Variants in GSN observed in about 807,000 individuals in gnomAD.
GSN encodes the protein actin-depolymerizing factor.
Under a neutral mutation model 85.7 loss-of-function variants are expected in GSN, and 56 were observed. The observed-to-expected ratio is 0.65, with a 90% CI of 0.53 to 0.82. The LOEUF (loss-of-function observed/expected upper bound fraction) is 0.82. Ranked by LOEUF, GSN falls within the 40% of genes least tolerant of loss-of-function variation. The pLI, the probability that GSN is intolerant of heterozygous loss-of-function variation, is 0.00. For synonymous variants in GSN, 373 were observed against 399.1 expected (o/e 0.93, Z 0.78); for missense variants, 857 against 979.8 (o/e 0.87, Z 1.67).
chr9:121,281,922 GT>G (rs773974948), intron 2 of GSN: 1 of 471,478 alleles, frequency 2.1e-6, no homozygotes, highest in Non-Finnish European at 4.4e-6. Flanking sequence ...TAAAGAGGAG[GT>G]GCAGGAATTC....
intron 2 of GSN, chr9:121,300,055 G>A: frequency 1.2e-6 from 2 of 1,606,156 alleles, no homozygotes; most frequent in Non-Finnish European, 1.7e-6. Flanking sequence ...TCTATTGTAA[G>A]TTCTTGCAGA....
chr9:121,208,589 G>A (rs2053920743), intron 1 of GSN, among the ~76,000 whole-genome samples: 2 of 152,156 alleles, frequency 1.3e-5, no homozygotes, highest in Non-Finnish European at 2.9e-5. Context: ...ACTTACTCCA[G>A]CTAACACCAG....
At chr9:121,321,229 G>A (rs927891806) in intron 10 of GSN, 39 bp from the exon 11 acceptor site, 36 of 1,611,206 alleles carry the variant, frequency 2.2e-5, no homozygotes, top group Non-Finnish European at 3.1e-5. Flanking sequence ...GGGGGGTGGG[G>A]GTGCTGCACA....
At chr9:121,211,332 A>G (rs1025920277) in intron 4 of GSN, among the ~76,000 whole-genome samples, 2 of 152,232 alleles carry the variant, frequency 1.3e-5, no homozygotes, top group Non-Finnish European at 2.9e-5. Context: ...TATATTATCT[A>G]TATTTTACCA....
chr9:121,216,985 C>CT (rs1386389551), intron 4 of GSN, among the ~76,000 whole-genome samples: 1 of 152,162 alleles, frequency 6.6e-6, no homozygotes, highest in Admixed American at 6.5e-5. Flanking sequence ...ATTTCCTCTT[C>CT]TTTTTTTAGT....
intron 6 of GSN, among the ~76,000 whole-genome samples, chr9:121,262,196 AG>A (rs996593364): frequency 2.0e-5 from 3 of 152,204 alleles, no homozygotes; most frequent in African/African-American, 7.2e-5. Flanking sequence ...GATCCTGAGA[AG>A]GGAGCATGGA....
chr9:121,302,127 G>A lies in GSN; in HGVS notation c.156G>A (p.Leu52=), dbSNP rs201102347. ...DAYVILKTVQ[L]RNGNLQYDLH... ...ACGTCATCCTGAAGACAGTGCAGCT[G>A]AGGAACGGAAATCTGCAGTATGACC... Residue 52 remains leucine (L), a synonymous_variant, in exon 3 of 18, where the codon CTG becomes CTA. Transcript: ENST00000432226. 48 of 1,614,104 alleles carry A rather than the reference G, an allele frequency of 3.0e-5. No individual in the cohort carries two copies. The highest frequency in any genetic ancestry group is 1.3e-4 in the Admixed American group (8 of 60,014).
In GSN at chr9:121,332,557, G is replaced by T. The variant is rs938702801; in HGVS notation, c.2150G>T (p.Trp717Leu). Residue 717 changes from tryptophan to leucine, a missense_variant, in exon 18 of 18, where the codon TGG (tryptophan) becomes TTG (leucine). Coordinates refer to ENST00000432226, the MANE Select transcript of GSN (RefSeq NM_198252.3). This position sits in a 1 kb window ranked among gnomAD's most constrained non-coding sequence, Gnocchi z 4.8. ...GWFLGWDDDY[W>L]SVDPLDRAMA... The stretch of plus-strand genomic sequence containing the variant: ...TTCCTTGGCTGGGATGATGATTACT[G>T]GTCTGTGGACCCCTTGGACAGGGCC... 1 of 1,613,984 alleles carries T rather than the reference G, an allele frequency of 6.2e-7. No individual in the cohort carries two copies. The highest frequency in any genetic ancestry group is 1.3e-5 in the African/African-American group (1 of 74,894).
intron 2 of GSN, among the ~76,000 whole-genome samples, chr9:121,295,078 C>T (rs936468787): frequency 6.6e-6 from 1 of 152,268 alleles, no homozygotes; most frequent in Non-Finnish European, 1.5e-5. Flanking sequence ...CATCACATAC[C>T]GAAGGCAGGC....
At chr9:121,242,506 T>C (rs935648408) in intron 5 of GSN, among the ~76,000 whole-genome samples, 1 of 152,170 alleles carries the variant, frequency 6.6e-6, no homozygotes, top group Admixed American at 6.5e-5. Context: ...GGGAAAGCCA[T>C]GGCCTGGAGA....
At chr9:121,313,893 C>T (rs555874928) in intron 6 of GSN, 41 bp from the exon 7 acceptor site, 2 of 1,501,148 alleles carry the variant, frequency 1.3e-6, no homozygotes, top group South Asian at 2.2e-5. Context: ...TGGCCCCTCC[C>T]TCACAGCCAC....
At chr9:121,205,408 A>G (rs1310414441), upstream of GSN, among the ~76,000 whole-genome samples, 1 of 151,964 alleles carries the variant, frequency 6.6e-6, no homozygotes, top group Middle Eastern at 3.2e-3. Flanking sequence ...GGGACTGACA[A>G]CTCCCTGGAT....
At chr9:121,317,423 CT>C in intron 8 of GSN, 1 of 592,386 alleles carries the variant, frequency 1.7e-6, no homozygotes, top group South Asian at 1.9e-5. Context: ...CCTCAGATTC[CT>C]GATCTGGGCT....
At chr9:121,235,139 G>T (rs775226806) in intron 5 of GSN, among the ~76,000 whole-genome samples, 6 of 152,166 alleles carry the variant, frequency 3.9e-5, no homozygotes, top group Non-Finnish European at 8.8e-5. Flanking sequence ...CTGAAATTCA[G>T]CAACTCCCCG....
At chr9:121,227,315 AC>A (rs1446313574) in intron 4 of GSN, among the ~76,000 whole-genome samples, 1 of 151,782 alleles carries the variant, frequency 6.6e-6, no homozygotes, top group Non-Finnish European at 1.5e-5. Flanking sequence ...GATTGCTTGA[AC>A]CCAGGAGGCG....
intron 4 of GSN, among the ~76,000 whole-genome samples, chr9:121,225,482 CATT>C (rs374837464): frequency 7.9e-5 from 12 of 152,186 alleles, no homozygotes; most frequent in African/African-American, 2.9e-4. Context: ...TTAGAGCTGT[CATT>C]ATGATCTTTG....
chr9:121,266,665 C>T (rs1374001025), upstream of GSN, among the ~76,000 whole-genome samples: 1 of 152,194 alleles, frequency 6.6e-6, no homozygotes, highest in Non-Finnish European at 1.5e-5. Context: ...AGTAGTGTGA[C>T]CTCCAGAGAG....
At chr9:121,262,371 T>C (rs568352212) in intron 6 of GSN, among the ~76,000 whole-genome samples, 27 of 152,336 alleles carry the variant, frequency 1.8e-4, no homozygotes, top group African/African-American at 6.3e-4. Flanking sequence ...ATTTGTAAAA[T>C]TGGAGACAAG....
Position 121,312,496 on chromosome 9 carries a change from T to G in GSN, c.663+8T>G. Reference sequence around the variant, plus strand: ...CCCGAGGCGATGCTCCAGGTGCCTGTGGGGTGCGCAATGGGGTGGCCATGG... The same window carrying G: ...CCCGAGGCGATGCTCCAGGTGCCTGGGGGGTGCGCAATGGGGTGGCCATGG... On this transcript the variant is annotated splice_region_variant and intron_variant, in intron 6 of 17. Coordinates refer to ENST00000432226, the MANE Select transcript of GSN (RefSeq NM_198252.3). 6.3e-7 allele frequency: 1 copy of G among 1,587,744 alleles called. No homozygotes were observed. Among genetic ancestry groups the G allele is most frequent in the South Asian group, 1.1e-5 (1 of 90,248 alleles).
Sources: allele counts gnomAD v4.1 joint callset (sites outside exome capture counted in the v4.1 genomes callset), GRCh38; gene constraint gnomAD v4.1.1; non-coding constraint Gnocchi (gnomAD v3.1); transcripts MANE v1.5; gene names NCBI Gene and HGNC (gene_info 2026-07-23, HGNC 2026-07-21).